Variants in PARG observed in about 807,000 individuals in gnomAD.
The protein encoded by PARG is mitochondrial poly(ADP-ribose) glycohydrolase.
Under a neutral mutation model 113.0 loss-of-function variants are expected in PARG, and 35 were observed. The ratio of observed to expected loss-of-function variants is 0.31; its 90% CI spans 0.24 to 0.41. PARG has a LOEUF of 0.41. Among genes scored for constraint, PARG ranks in the 10% least tolerant of loss-of-function variants. PARG has a pLI of 1.00. For missense variants in PARG, 797 were observed against 1,169.4 expected (o/e 0.68, Z 4.64); for synonymous variants, 330 against 409.9 (o/e 0.81, Z 2.36).
intron 16 of PARG, among the ~76,000 whole-genome samples, chr10:49,828,743 T>C (rs1308328918): frequency 1.3e-5 from 2 of 152,218 alleles, no homozygotes; most frequent in African/African-American, 2.4e-5. Context: ...GGCATGGTAG[T>C]GCATGTCTGC....
chr10:49,933,755 G>C lies in PARG; in HGVS notation c.693C>G (p.Ala231=). ...ACTTGCTGCACTTCTGGTGGCTTTT[G>C]GCTTCTCTGGCCTGTTCATCTTCTG... The part of the protein sequence containing the change: ...QTTEDEQARE[A]KSHQKCSKSC... The change falls in exon 3 of 18, where the codon GCC becomes GCG. Residue 231 remains alanine, a synonymous_variant. Transcript: ENST00000616448. The C allele has an allele frequency of 6.2e-7, 1 of 1,613,182 alleles. No homozygotes were observed. The highest frequency in any genetic ancestry group is 8.5e-7 in the Non-Finnish European group (1 of 1,179,240).
At position 49,820,253 on chromosome 10, in the gene PARG, A is replaced by G. The variant is rs777463164; in HGVS notation, c.2688T>C (p.Asp896=). The change falls in exon 17 of 18, where the codon GAT becomes GAC. Residue 896 remains aspartate, a synonymous_variant. Transcript: ENST00000616448. ...QILAAAAAER[D]VVYFTFGDSE... Reference sequence around the variant, plus strand: ...AGTCCCCAAAGGTGAAATAAACCACATCTCGCTCAGCTGCAGCAGCTGCCA... The same window carrying G: ...AGTCCCCAAAGGTGAAATAAACCACGTCTCGCTCAGCTGCAGCAGCTGCCA... 2 of 1,545,726 alleles carry G rather than the reference A, an allele frequency of 1.3e-6. No individual in the cohort carries two copies. Among genetic ancestry groups the G allele is most frequent in the South Asian group, 1.2e-5 (1 of 83,936 alleles).
chr10:49,918,792 G>A (rs183603222), intron 6 of PARG, among the ~76,000 whole-genome samples: 29 of 152,208 alleles, frequency 1.9e-4, no homozygotes, highest in Admixed American at 8.5e-4. Flanking sequence ...TATCTCGATG[G>A]ATTACTCTGT....
chr10:49,874,283 C>T (rs1554838071), intron 9 of PARG, among the ~76,000 whole-genome samples: 1 of 151,926 alleles, frequency 6.6e-6, no homozygotes, highest in Admixed American at 6.6e-5. Flanking sequence ...GGTACTTGCG[C>T]TAAAATAAGG....
At chr10:49,935,395 T>A (rs1279444949) in intron 1 of PARG, among the ~76,000 whole-genome samples, 1 of 152,270 alleles carries the variant, frequency 6.6e-6, no homozygotes, top group Non-Finnish European at 1.5e-5. Context: ...TCAGAACATC[T>A]GTATTCAAAT....
intron 13 of PARG, among the ~76,000 whole-genome samples, chr10:49,856,525 A>G (rs1157307193): frequency 1.7e-3 from 255 of 151,552 alleles, no homozygotes; most frequent in African/African-American, 5.6e-3. Context: ...AGGGTAAACA[A>G]AAGGTTACTG....
intron 9 of PARG, among the ~76,000 whole-genome samples, chr10:49,874,457 T>C (rs1211224954): frequency 1.3e-5 from 2 of 152,148 alleles, no homozygotes; most frequent in African/African-American, 4.8e-5. Context: ...TCAGGATAAA[T>C]GACCATGTAC....
intron 7 of PARG, among the ~76,000 whole-genome samples, chr10:49,906,376 T>A (rs181702151): frequency 6.6e-6 from 1 of 152,206 alleles, no homozygotes; most frequent in African/African-American, 2.4e-5. Flanking sequence ...TGAATTCAAA[T>A]CTTTGAACTT....
chr10:49,819,322 T>C lies in PARG; in HGVS notation c.*18A>G, dbSNP rs780914868. The C allele has an allele frequency of 6.5e-7, 1 of 1,545,496 alleles. No individual in the cohort carries two copies. Among genetic ancestry groups the C allele is most frequent in the Middle Eastern group, 1.7e-4 (1 of 5,860 alleles). ...GTCTCTGGTGGGAGGTGGGAGGAGA[T>C]GCTATTCGCTCGGCTCCTCAGGTCC... is the stretch of plus-strand genomic sequence containing the variant. On this transcript the variant is annotated 3_prime_UTR_variant, in exon 18 of 18. Coordinates refer to ENST00000616448, the MANE Select transcript of PARG (RefSeq NM_003631.5).
At chr10:49,932,858 G>A (rs1380473433) in intron 3 of PARG, among the ~76,000 whole-genome samples, 1 of 151,210 alleles carries the variant, frequency 6.6e-6, no homozygotes, top group Non-Finnish European at 1.5e-5. Flanking sequence ...AATATACAAT[G>A]GTCTAGAAGA....
chr10:49,850,230 G>A (rs1357300876), intron 13 of PARG, among the ~76,000 whole-genome samples: 4 of 139,746 alleles, frequency 2.9e-5, no homozygotes, highest in African/African-American at 8.2e-5. Context: ...TGCATGGTAT[G>A]GTAAAAAGAG....
chr10:49,846,729 T>A (rs1378320872), intron 13 of PARG, among the ~76,000 whole-genome samples: 1 of 150,036 alleles, frequency 6.7e-6, no homozygotes, highest in Non-Finnish European at 1.5e-5. Context: ...GGTATCAATA[T>A]AAATTCACAG....
chr10:49,916,219 A>T (rs1304891907), intron 6 of PARG, among the ~76,000 whole-genome samples: 1 of 152,176 alleles, frequency 6.6e-6, no homozygotes, highest in East Asian at 1.9e-4. Flanking sequence ...GTAATAGGTG[A>T]AAAAACACAA....
At chr10:49,936,535 A>C (rs1838746797) in intron 1 of PARG, among the ~76,000 whole-genome samples, 1 of 152,240 alleles carries the variant, frequency 6.6e-6, no homozygotes, top group Non-Finnish European at 1.5e-5. Context: ...AAATAAATAC[A>C]AGCCACATTT....
At chr10:49,907,823 T>C (rs1836938639) in intron 7 of PARG, among the ~76,000 whole-genome samples, 3 of 152,264 alleles carry the variant, frequency 2.0e-5, no homozygotes, top group Admixed American at 2.0e-4. Flanking sequence ...ATATAAATCA[T>C]GGGCAAGATT....
At chr10:49,922,739 G>C in intron 4 of PARG, 70 bp from the exon 5 acceptor site, 2 of 958,362 alleles carry the variant, frequency 2.1e-6, no homozygotes, top group Non-Finnish European at 3.1e-6. Flanking sequence ...ATAATCCTAA[G>C]TAACCAAAGC....
chr10:49,824,525 T>C (rs1318897700), intron 16 of PARG, among the ~76,000 whole-genome samples: 1 of 152,156 alleles, frequency 6.6e-6, no homozygotes, highest in African/African-American at 2.4e-5. Flanking sequence ...TGTTAAGCTA[T>C]GAAAAAATAC....
chr10:49,897,993 A>G (rs1329052889), intron 7 of PARG, among the ~76,000 whole-genome samples: 1 of 151,104 alleles, frequency 6.6e-6, no homozygotes, highest in Admixed American at 6.6e-5. Context: ...ACTCTGTCTC[A>G]AAAAAAACAA....
intron 16 of PARG, among the ~76,000 whole-genome samples, chr10:49,822,725 T>C (rs1319492910): frequency 6.6e-6 from 1 of 152,194 alleles, no homozygotes; most frequent in Non-Finnish European, 1.5e-5. Context: ...GTGGGGAAAC[T>C]GGGCAACAGC....
Sources: allele counts gnomAD v4.1 joint callset (sites outside exome capture counted in the v4.1 genomes callset), GRCh38; gene constraint gnomAD v4.1.1; transcripts MANE v1.5; gene names NCBI Gene and HGNC (gene_info 2026-07-23, HGNC 2026-07-21).